The following RSU1 variants were observed in gnomAD, a reference collection of about 807,000 sequenced individuals.
RSU1 encodes the protein rsu-1.
A neutral mutation model predicts 31.1 loss-of-function variants in RSU1; 26 were observed. The observed-to-expected ratio is 0.84, with a 90% CI of 0.61 to 1.16. RSU1 has a LOEUF of 1.16. Among genes scored for constraint, RSU1 ranks in the 50% most tolerant of loss-of-function variants. The probability of loss-of-function intolerance (pLI) is 0.00; values close to 1 mark genes in which losing one functional copy is unlikely to be tolerated. For missense variants in RSU1, 320 were observed against 339.1 expected (o/e 0.94, Z 0.44); for synonymous variants, 164 against 136.3 (o/e 1.20, Z -1.41).
At chr10:16,749,709 G>A (rs959704677) in intron 7 of RSU1, among the ~76,000 whole-genome samples, 2 of 152,210 alleles carry the variant, frequency 1.3e-5, no homozygotes, top group African/African-American at 2.4e-5. Context: ...GAAAGGGCCA[G>A]CAATTTGTCT....
At chr10:16,733,864 A>C (rs763808838) in intron 7 of RSU1, among the ~76,000 whole-genome samples, 15 of 152,242 alleles carry the variant, frequency 9.9e-5, no homozygotes, top group Non-Finnish European at 1.8e-4. Context: ...AAAGTTGGGC[A>C]ACTAACTTTT....
chr10:16,714,898 A>G (rs971719267), intron 7 of RSU1, among the ~76,000 whole-genome samples: 3 of 152,102 alleles, frequency 2.0e-5, no homozygotes, highest in African/African-American at 7.2e-5. Context: ...CTACTCTCCA[A>G]ACTGGATTGG....
At chr10:16,751,316 T>A (rs975834401) in intron 7 of RSU1, among the ~76,000 whole-genome samples, 2 of 152,174 alleles carry the variant, frequency 1.3e-5, no homozygotes, top group African/African-American at 4.8e-5. Flanking sequence ...CCTTAAAAAA[T>A]CATTAAATAA....
intron 2 of RSU1, among the ~76,000 whole-genome samples, chr10:16,799,971 G>A (rs1024516809): frequency 1.3e-5 from 2 of 152,142 alleles, no homozygotes; most frequent in Non-Finnish European, 2.9e-5. Flanking sequence ...ATCAGAAGGG[G>A]TCCTATAAAA....
intron 8 of RSU1, among the ~76,000 whole-genome samples, chr10:16,614,637 G>C (rs1440873504): frequency 2.0e-5 from 3 of 152,222 alleles, no homozygotes; most frequent in Non-Finnish European, 1.5e-5. Flanking sequence ...TACACCTACT[G>C]TGTACCCACA....
At chr10:16,713,093 A>G (rs1836056862) in intron 7 of RSU1, among the ~76,000 whole-genome samples, 6 of 152,166 alleles carry the variant, frequency 3.9e-5, no homozygotes, top group Admixed American at 3.9e-4. Context: ...AGTCTAATGG[A>G]CATTCCCTTG....
At position 16,683,692 on chromosome 10, in the gene RSU1, C is replaced by T. The variant is rs188343050; in HGVS notation, c.731+11331G>A. 1.4e-4 allele frequency among the ~76,000 whole-genome samples: 21 copies of T among 152,312 alleles called. 1 individual carries two copies. Among genetic ancestry groups the T allele is most frequent in the Admixed American group, 1.4e-3 (21 of 15,304 alleles). On this transcript the variant is annotated intron_variant, in intron 8 of 8. Coordinates refer to ENST00000345264, the MANE Select transcript of RSU1 (RefSeq NM_012425.4). ...TGAGCTAAATATGAGTGACCACGGTCGTGACACAGCCCCCAGGAGGTCCTG... is the reference window on the plus strand; with the variant it reads ...TGAGCTAAATATGAGTGACCACGGTTGTGACACAGCCCCCAGGAGGTCCTG...
chr10:16,746,874 G>C (rs1373755551), intron 7 of RSU1, among the ~76,000 whole-genome samples: 1 of 152,120 alleles, frequency 6.6e-6, no homozygotes, highest in Non-Finnish European at 1.5e-5. Flanking sequence ...GAGTCTGGAT[G>C]CTGGCTGAAA....
chr10:16,749,365 A>G (rs1165700959), intron 7 of RSU1, among the ~76,000 whole-genome samples: 1 of 152,200 alleles, frequency 6.6e-6, no homozygotes, highest in East Asian at 1.9e-4. Context: ...CTTGGCTCAA[A>G]TACCAGTACC....
At chr10:16,735,557 C>G (rs749252687) in intron 7 of RSU1, among the ~76,000 whole-genome samples, 1 of 152,162 alleles carries the variant, frequency 6.6e-6, no homozygotes, top group Admixed American at 6.5e-5. Flanking sequence ...CATTCTCACA[C>G]TGCTAATAAA....
intron 3 of RSU1, chr10:16,767,091 C>T (rs1837328498): frequency 2.0e-5 from 3 of 152,214 alleles, no homozygotes; most frequent in Middle Eastern, 3.4e-3. Context: ...CATCTTCTCC[C>T]CCCAGATCAT....
intron 2 of RSU1, among the ~76,000 whole-genome samples, chr10:16,793,664 A>T (rs1837972243): frequency 6.6e-6 from 1 of 152,156 alleles, no homozygotes; most frequent in Non-Finnish European, 1.5e-5. Context: ...GGATGGTATT[A>T]ACAAAACTTG....
rs1408002769 is a variant in RSU1 at position 16,675,952 on chromosome 10, T to TA, written c.731+19070dup. On this transcript the variant is annotated intron_variant, in intron 8 of 8. Transcript: ENST00000345264. ...AATTAGAGCCTGAGTCTAGAGCTAATAAAACAAAGACAAAGAAGGGATCAC... is the reference window on the plus strand; with the variant it reads ...AATTAGAGCCTGAGTCTAGAGCTAATAAAAACAAAGACAAAGAAGGGATCAC... Among the ~76,000 whole-genome samples, 7 of 152,228 alleles carry TA rather than the reference T, an allele frequency of 4.6e-5. No homozygotes were observed. In the South Asian group the frequency reaches 8.3e-4, roughly 18 times the overall value.
At chr10:16,663,108 C>T (rs1588701156) in intron 8 of RSU1, among the ~76,000 whole-genome samples, 2 of 152,144 alleles carry the variant, frequency 1.3e-5, no homozygotes, top group African/African-American at 2.4e-5. Flanking sequence ...TTTCCCTTCA[C>T]GTTGCCTGAA....
chr10:16,720,285 T>A (rs761379740), intron 7 of RSU1, among the ~76,000 whole-genome samples: 1 of 152,208 alleles, frequency 6.6e-6, no homozygotes, highest in Non-Finnish European at 1.5e-5. Flanking sequence ...ACATAGAGTT[T>A]ATTACATAAA....
chr10:16,755,639 C>T (rs1837070086), intron 4 of RSU1, among the ~76,000 whole-genome samples: 1 of 151,976 alleles, frequency 6.6e-6, no homozygotes, highest in Non-Finnish European at 1.5e-5. Context: ...TAGCAATTTT[C>T]AATTATACCA....
chr10:16,756,044 A>G (rs977171633), intron 4 of RSU1, among the ~76,000 whole-genome samples: 1 of 152,188 alleles, frequency 6.6e-6, no homozygotes, highest in African/African-American at 2.4e-5. Context: ...AAATATACAC[A>G]TGAAGCTTTG....
intron 8 of RSU1, among the ~76,000 whole-genome samples, chr10:16,659,315 T>A (rs1834845601): frequency 6.6e-6 from 1 of 150,882 alleles, no homozygotes; most frequent in Non-Finnish European, 1.5e-5. Flanking sequence ...TTTTTTTTTT[T>A]TTTTTTTTAG....
chr10:16,719,926 G>A lies in RSU1; in HGVS notation c.599-24771C>T, dbSNP rs530444064. ...TACACCAGAGGAGACTAGCCCACAT[G>A]CTTTATGTATATAATCTCAGCCCTC... On this transcript the variant is annotated intron_variant, in intron 7 of 8. Transcript: ENST00000345264. 8.5e-5 allele frequency among the ~76,000 whole-genome samples: 13 copies of A among 152,338 alleles called. No homozygotes were observed. In the South Asian group the frequency reaches 2.7e-3, roughly 32 times the overall value.
Sources: allele counts gnomAD v4.1 joint callset (sites outside exome capture counted in the v4.1 genomes callset), GRCh38; gene constraint gnomAD v4.1.1; transcripts MANE v1.5; gene names NCBI Gene and HGNC (gene_info 2026-07-23, HGNC 2026-07-21).